ZZZ3: variants seen among roughly 807,000 people sequenced by gnomAD.
ZZZ3 encodes ZZ-type zinc finger-containing protein 3.
ZZZ3 carries 22 observed loss-of-function variants against 95.2 expected under a neutral mutation model. The observed-to-expected ratio is 0.23, with a 90% confidence interval of 0.17 to 0.33. ZZZ3 has a LOEUF of 0.33. Ranked by LOEUF, ZZZ3 falls within the 10% of genes least tolerant of loss-of-function variation. The probability of loss-of-function intolerance (pLI) is 1.00; values close to 1 mark genes in which losing one functional copy is unlikely to be tolerated. For missense variants in ZZZ3, 885 were observed against 1,066.5 expected (o/e 0.83, Z 2.37); for synonymous variants, 335 against 358.9 (o/e 0.93, Z 0.75).
chr1:77,573,352 C>T (rs1167017842), intron 12 of ZZZ3, among the ~76,000 whole-genome samples: 3 of 151,908 alleles, frequency 2.0e-5, no homozygotes, highest in Admixed American at 6.6e-5. Context: ...GAACTCCTGA[C>T]CTCAGGTGAT....
At chr1:77,669,057 C>T (rs1288522049) in intron 1 of ZZZ3, among the ~76,000 whole-genome samples, 1 of 150,650 alleles carries the variant, frequency 6.6e-6, no homozygotes, top group Non-Finnish European at 1.5e-5. Flanking sequence ...TAAGTCAGCA[C>T]ACTGTGTGAT....
chr1:77,582,905 G>C (rs1662672556), intron 6 of ZZZ3, among the ~76,000 whole-genome samples: 2 of 151,986 alleles, frequency 1.3e-5, no homozygotes, highest in South Asian at 4.1e-4. Flanking sequence ...CAGGAGTTCA[G>C]ACCAACCTGG....
intron 1 of ZZZ3, among the ~76,000 whole-genome samples, chr1:77,651,042 C>G (rs1395594451): frequency 6.6e-6 from 1 of 152,122 alleles, no homozygotes; most frequent in Non-Finnish European, 1.5e-5. Flanking sequence ...ACACCATATA[C>G]AAAAATTAAC....
chr1:77,588,812 T>G (rs1557703230), intron 5 of ZZZ3, among the ~76,000 whole-genome samples: 1 of 152,228 alleles, frequency 6.6e-6, no homozygotes, highest in African/African-American at 2.4e-5. Context: ...TATTTGTTAT[T>G]TATGTCTAAA....
In ZZZ3 at chr1:77,565,794, A is replaced by G. The variant is rs758794534; in HGVS notation, c.2568-10T>C. The G allele has an allele frequency of 6.2e-7, 1 of 1,607,952 alleles. No homozygotes were observed. Among genetic ancestry groups the G allele is most frequent in the Non-Finnish European group, 8.5e-7 (1 of 1,177,306 alleles). ...ATCTGTTTCATGTAGACTGTAAAGA[A>G]AAAAAGACACACATCATTACATGGT... On this transcript the variant is annotated splice_polypyrimidine_tract_variant and intron_variant, in intron 14 of 14. Coordinates refer to ENST00000370801, the MANE Select transcript of ZZZ3 (RefSeq NM_015534.6).
intron 6 of ZZZ3, 97 bp downstream of exon 6, chr1:77,584,420 T>C: frequency 8.0e-7 from 1 of 1,253,154 alleles, no homozygotes; most frequent in Non-Finnish European, 1.1e-6. Flanking sequence ...AATTAAACAT[T>C]TTAAAAAGTA....
intron 5 of ZZZ3, among the ~76,000 whole-genome samples, chr1:77,588,040 T>C (rs1374808137): frequency 2.6e-5 from 4 of 152,206 alleles, no homozygotes; most frequent in Non-Finnish European, 4.4e-5. Flanking sequence ...GTTTATGTTA[T>C]ATAGTAAAGC....
chr1:77,600,086 T>C (rs17100789), intron 5 of ZZZ3, among the ~76,000 whole-genome samples: 3,743 of 151,906 alleles, frequency 0.025, 120 homozygotes, highest in African/African-American at 0.087. Flanking sequence ...GTAGACTACA[T>C]CCACATTAGA....
At position 77,582,038 on chromosome 1, in the gene ZZZ3, T is replaced by G. The variant is rs1486309709; in HGVS notation, c.1733A>C (p.Glu578Ala). Reference protein sequence around the residue: ...DQYTHSLGNFEREFKNRKRHT... With the variant: ...DQYTHSLGNFAREFKNRKRHT... The stretch of plus-strand genomic sequence containing the variant: ...TCTTTTACGATTTTTAAATTCTCTT[T>G]CAAAATTCCCAAGGCTATGGGTATA... The change falls in exon 7 of 15, where the codon GAA becomes GCA. Residue 578 changes from glutamate to alanine, a missense_variant. Physicochemically the swap from Glu to Ala is moderately radical, Grantham distance 107 (BLOSUM62 -1). Transcript: ENST00000370801. 6.2e-7 allele frequency: 1 copy of G among 1,612,894 alleles called. No homozygotes were observed. The highest frequency in any genetic ancestry group is 1.1e-5 in the South Asian group (1 of 90,952).
intron 12 of ZZZ3, among the ~76,000 whole-genome samples, chr1:77,570,815 C>A (rs1661308838): frequency 6.6e-6 from 1 of 150,402 alleles, no homozygotes; most frequent in South Asian, 2.1e-4. Context: ...GCGCACACCA[C>A]CAAGCCTGGC....
chr1:77,665,311 G>A (rs1366484525), intron 1 of ZZZ3, among the ~76,000 whole-genome samples: 1 of 152,060 alleles, frequency 6.6e-6, no homozygotes, highest in Non-Finnish European at 1.5e-5. Context: ...CAGCTTCCAA[G>A]GCCAATGTCA....
chr1:77,646,899 G>A (rs1360829998), intron 1 of ZZZ3, among the ~76,000 whole-genome samples: 5 of 152,154 alleles, frequency 3.3e-5, no homozygotes, highest in African/African-American at 7.2e-5. Context: ...GGCCAAGGTA[G>A]CTACAGTCTC....
At chr1:77,630,430 T>C (rs1570556843) in intron 5 of ZZZ3, among the ~76,000 whole-genome samples, 2 of 152,098 alleles carry the variant, frequency 1.3e-5, no homozygotes, top group African/African-American at 4.8e-5. Context: ...TGAGCCATGA[T>C]TGCACCTGTG....
At chr1:77,652,668 A>C (rs1055795001) in intron 1 of ZZZ3, among the ~76,000 whole-genome samples, 1 of 152,248 alleles carries the variant, frequency 6.6e-6, no homozygotes, top group Non-Finnish European at 1.5e-5. Flanking sequence ...AGCATTATTC[A>C]TAATAGTTAT....
Position 77,632,177 on chromosome 1 carries a change from G to A in ZZZ3, c.1178C>T (p.Thr393Ile). 1.9e-6 allele frequency: 3 copies of A among 1,614,018 alleles called. No homozygotes were observed. The highest frequency in any genetic ancestry group is 2.5e-6 in the Non-Finnish European group (3 of 1,179,992). Residue 393 changes from threonine to isoleucine, a missense_variant, in exon 5 of 15, where the codon ACT becomes ATT. Thr to Ile is a moderately conservative substitution (Grantham distance 89, BLOSUM62 -1). Coordinates refer to ENST00000370801, the MANE Select transcript of ZZZ3 (RefSeq NM_015534.6). ...TTCTCTGTAAGGAGAACTGTTTTTA[G>A]TGGGACTACCTCTGGTAGGGGCTGC... Reference protein sequence around the residue: ...RRAAPTRGSPTKNSSPYRENG... With the variant: ...RRAAPTRGSPIKNSSPYRENG...
intron 1 of ZZZ3, chr1:77,677,315 G>A (rs960553350): frequency 6.6e-6 from 1 of 151,960 alleles, no homozygotes; most frequent in Non-Finnish European, 1.5e-5. Context: ...TCCAGCCTGT[G>A]CAATAGAGCA....
At chr1:77,625,932 G>A (rs1667294002) in intron 5 of ZZZ3, among the ~76,000 whole-genome samples, 1 of 152,038 alleles carries the variant, frequency 6.6e-6, no homozygotes, top group Non-Finnish European at 1.5e-5. Context: ...GGGAGGCAGA[G>A]GTTGCAGTGA....
intron 5 of ZZZ3, among the ~76,000 whole-genome samples, chr1:77,602,463 G>T (rs532648147): frequency 6.6e-6 from 1 of 152,110 alleles, no homozygotes; most frequent in African/African-American, 2.4e-5. Flanking sequence ...TTGACCACAG[G>T]TAATTACTCT....
chr1:77,662,301 C>T (rs750314446), intron 1 of ZZZ3, among the ~76,000 whole-genome samples: 12 of 151,732 alleles, frequency 7.9e-5, no homozygotes, highest in South Asian at 4.2e-4. Flanking sequence ...CATGAGCCAC[C>T]GTACCCAGCC....
Sources: gnomAD v4.1 joint callset for allele counts (sites outside exome capture counted in the v4.1 genomes callset) on GRCh38, gnomAD v4.1.1 for gene constraint, MANE v1.5 for transcripts, NCBI Gene and HGNC (gene_info 2026-07-23, HGNC 2026-07-21) for gene names.